Variants in STX8 observed in about 807,000 individuals in gnomAD.
STX8 encodes the protein syntaxin-8.
A neutral mutation model predicts 37.5 loss-of-function variants in STX8; 23 were observed. That is an observed-to-expected ratio of 0.61 (90% CI 0.44 to 0.87). STX8 has a LOEUF of 0.87. Among genes scored for constraint, STX8 ranks in the 40% least tolerant of loss-of-function variants. The pLI is 0.00. For missense variants in STX8, 313 were observed against 284.7 expected (o/e 1.10, Z -0.71); for synonymous variants, 115 against 99.1 (o/e 1.16, Z -0.95).
At chr17:9,330,198 T>C (rs1185416117) in intron 7 of STX8, among the ~76,000 whole-genome samples, 1 of 152,230 alleles carries the variant, frequency 6.6e-6, no homozygotes, top group Non-Finnish European at 1.5e-5. Flanking sequence ...TATTAGTGTC[T>C]TTTGAAATGC....
At chr17:9,439,179 CATG>C (rs1904551572) in intron 6 of STX8, among the ~76,000 whole-genome samples, 1 of 152,162 alleles carries the variant, frequency 6.6e-6, no homozygotes, top group African/African-American at 2.4e-5. Context: ...TGGCACTTCA[CATG>C]ATATCATTTG....
intron 2 of STX8, among the ~76,000 whole-genome samples, chr17:9,562,310 G>A (rs1907268340): frequency 6.6e-6 from 1 of 151,908 alleles, no homozygotes; most frequent in South Asian, 2.1e-4. Context: ...GGAGGCTGAG[G>A]CAGGAGAATG....
At chr17:9,370,656 G>A (rs911064913) in intron 7 of STX8, among the ~76,000 whole-genome samples, 4 of 152,174 alleles carry the variant, frequency 2.6e-5, no homozygotes, top group Admixed American at 6.5e-5. Context: ...ACAACATTAC[G>A]TAATAGTCAA....
chr17:9,359,037 CT>C (rs377598147), intron 7 of STX8, among the ~76,000 whole-genome samples: 33 of 147,508 alleles, frequency 2.2e-4, no homozygotes, highest in South Asian at 8.7e-4. Flanking sequence ...GGAACTAAGG[CT>C]TTTTTTTTTC....
chr17:9,501,303 C>T (rs1904601177), intron 5 of STX8, among the ~76,000 whole-genome samples: 1 of 152,186 alleles, frequency 6.6e-6, no homozygotes, highest in South Asian at 2.1e-4. Flanking sequence ...TACTATCTTA[C>T]TTAATGACCC....
intron 7 of STX8, among the ~76,000 whole-genome samples, chr17:9,277,534 G>T (rs1019426116): frequency 4.6e-5 from 7 of 152,186 alleles, no homozygotes; most frequent in African/African-American, 1.7e-4. Context: ...TACAACAAGG[G>T]TCAAGATAGA....
chr17:9,402,677 C>A (rs1912665372), intron 6 of STX8, among the ~76,000 whole-genome samples: 1 of 152,148 alleles, frequency 6.6e-6, no homozygotes, highest in Admixed American at 6.5e-5. Context: ...CAATTAATTA[C>A]CTCTCAGCTC....
rs932359304 is a variant in STX8 at position 9,505,099 on chromosome 17, T to C, written c.387A>G (p.Pro129=). Residue 129 remains proline, a synonymous_variant, in exon 5 of 8, where the codon CCA becomes CCG. Transcript: ENST00000306357. The stretch of plus-strand genomic sequence containing the variant: ...CAAAACCCAAGCCTCTGGTCTCCTC[T>C]GGCTCCTCAAAGAGCCAAGGGTTGG... ...GAPNPWLFEE[P]EETRGLGFDE... 1.2e-5 allele frequency: 20 copies of C among 1,613,898 alleles called. No individual in the cohort carries two copies. Among genetic ancestry groups the C allele is most frequent in the Non-Finnish European group, 1.7e-5 (20 of 1,179,980 alleles).
intron 7 of STX8, among the ~76,000 whole-genome samples, chr17:9,309,804 T>C (rs1909129184): frequency 6.6e-6 from 1 of 152,134 alleles, no homozygotes; most frequent in African/African-American, 2.4e-5. Flanking sequence ...AGTACAAATA[T>C]TAAAATAAAA....
chr17:9,297,738 T>C (rs1908618381), intron 7 of STX8, among the ~76,000 whole-genome samples: 2 of 152,102 alleles, frequency 1.3e-5, no homozygotes, highest in African/African-American at 4.8e-5. Context: ...TAGCCAGGCA[T>C]GGTGGCACAC....
chr17:9,362,898 C>G (rs1267931378), intron 7 of STX8, among the ~76,000 whole-genome samples: 1 of 149,594 alleles, frequency 6.7e-6, no homozygotes, highest in Non-Finnish European at 1.5e-5. Flanking sequence ...ATGAGAAAAA[C>G]TATATATGTT....
chr17:9,418,851 A>T (rs1448553986), intron 6 of STX8, among the ~76,000 whole-genome samples: 1 of 41,870 alleles, frequency 2.4e-5, no homozygotes, highest in East Asian at 1.3e-3. Context: ...GGGGGGGGGA[A>T]GGGGGAGGGA....
At chr17:9,334,957 T>C (rs1296930065) in intron 7 of STX8, among the ~76,000 whole-genome samples, 1 of 152,192 alleles carries the variant, frequency 6.6e-6, no homozygotes, top group African/African-American at 2.4e-5. Context: ...TGCCCCTAGT[T>C]TCAGTAAACA....
chr17:9,395,127 T>A (rs1261848826), intron 6 of STX8, among the ~76,000 whole-genome samples: 2 of 152,080 alleles, frequency 1.3e-5, no homozygotes, highest in African/African-American at 4.8e-5. Flanking sequence ...GTATTGATGT[T>A]ACTGTATTTA....
At chr17:9,490,679 A>G (rs1906816061) in intron 6 of STX8, among the ~76,000 whole-genome samples, 1 of 152,184 alleles carries the variant, frequency 6.6e-6, no homozygotes, top group Non-Finnish European at 1.5e-5. Context: ...ACTTTTCTTG[A>G]AAGCCATTCC....
intron 6 of STX8, among the ~76,000 whole-genome samples, chr17:9,470,570 T>C (rs1265944946): frequency 6.6e-6 from 1 of 152,206 alleles, no homozygotes; most frequent in African/African-American, 2.4e-5. Context: ...TTTCTGTATC[T>C]TTTTCCTTCT....
At chr17:9,375,063 C>CAAAAAAAAAAAAAAAAAAA (rs58594029) in intron 7 of STX8, among the ~76,000 whole-genome samples, 1 of 65,472 alleles carries the variant, frequency 1.5e-5, no homozygotes, top group Non-Finnish European at 3.1e-5. Flanking sequence ...GACTCTGTCT[C>CAAAAAAAAAAAAAAAAAAA]AAAAAAAAAA....
chr17:9,468,840 G>A (rs1457044174), intron 6 of STX8, among the ~76,000 whole-genome samples: 1 of 152,118 alleles, frequency 6.6e-6, no homozygotes, highest in Non-Finnish European at 1.5e-5. Context: ...GGCTTCCCAG[G>A]GGGCTGTCGT....
intron 7 of STX8, among the ~76,000 whole-genome samples, chr17:9,308,454 G>A (rs912134924): frequency 1.3e-5 from 2 of 152,190 alleles, no homozygotes; most frequent in South Asian, 4.1e-4. Flanking sequence ...GCCAGGCGTG[G>A]TGGCTCACGC....
Sources: allele counts gnomAD v4.1 joint callset (sites outside exome capture counted in the v4.1 genomes callset), GRCh38; gene constraint gnomAD v4.1.1; transcripts MANE v1.5; gene names NCBI Gene and HGNC (gene_info 2026-07-23, HGNC 2026-07-21).